CDYL: variants seen among roughly 807,000 people sequenced by gnomAD.
The protein encoded by CDYL is chromodomain Y-like protein.
CDYL carries 8 observed loss-of-function variants against 47.3 expected under a neutral mutation model. The observed-to-expected ratio is 0.17, with a 90% CI of 0.10 to 0.31. The LOEUF (loss-of-function observed/expected upper bound fraction) is 0.31, where lower values mean the gene tolerates loss of function less well. Among genes scored for constraint, CDYL ranks in the 10% least tolerant of loss-of-function variants. The pLI is 1.00. For synonymous variants in CDYL, 266 were observed against 265.0 expected (o/e 1.00, Z -0.04); for missense variants, 471 against 701.4 (o/e 0.67, Z 3.71).
At chr6:4,897,020 G>A (rs1289430181) in intron 2 of CDYL, among the ~76,000 whole-genome samples, 1 of 152,172 alleles carries the variant, frequency 6.6e-6, no homozygotes, top group Non-Finnish European at 1.5e-5. Context: ...ACTCAGAAAT[G>A]TGAGAAATTC....
chr6:4,737,844 G>T (rs1305619610), intron 3 of CDYL, among the ~76,000 whole-genome samples: 1 of 151,924 alleles, frequency 6.6e-6, no homozygotes, highest in Non-Finnish European at 1.5e-5. Flanking sequence ...TCTTAAATAA[G>T]ACCCAAAACG....
chr6:4,952,278 C>T lies in CDYL; in HGVS notation c.1345C>T (p.Leu449=). 1 of 1,613,770 alleles carries T rather than the reference C, an allele frequency of 6.2e-7. No homozygotes were observed. The highest frequency in any genetic ancestry group is 8.5e-7 in the Non-Finnish European group (1 of 1,179,868). The part of the protein sequence containing the change: ...IMGGASANEM[L]LSGRKLTAQE... ...TTCTTCCTTGCAGGCAAACGAGATG[C>T]TGCTCAGTGGACGGAAGCTGACAGC... The change falls in exon 6 of 7, where the codon CTG becomes TTG. Residue 449 remains leucine, a synonymous_variant. Transcript: ENST00000397588.
At chr6:4,953,637 C>T (rs570780642) in intron 6 of CDYL, among the ~76,000 whole-genome samples, 2 of 152,288 alleles carry the variant, frequency 1.3e-5, no homozygotes, top group East Asian at 1.9e-4. Flanking sequence ...GGCGCGGGGC[C>T]GAGGCTGCTC....
At chr6:4,871,145 A>G (rs770987880) in intron 1 of CDYL, among the ~76,000 whole-genome samples, 1 of 152,240 alleles carries the variant, frequency 6.6e-6, no homozygotes, top group Non-Finnish European at 1.5e-5. Flanking sequence ...TGTCCTCTCT[A>G]CATTGAATGG....
chr6:4,823,241 A>G (rs1759889189), intron 1 of CDYL, among the ~76,000 whole-genome samples: 1 of 152,234 alleles, frequency 6.6e-6, no homozygotes, highest in Non-Finnish European at 1.5e-5. Context: ...GATCTTATCC[A>G]TGATGGGTTC....
At chr6:4,923,850 G>A (rs1757789110) in intron 2 of CDYL, among the ~76,000 whole-genome samples, 1 of 147,934 alleles carries the variant, frequency 6.8e-6, no homozygotes, top group South Asian at 2.1e-4. Context: ...GCAGTGAGCC[G>A]AGGTCGCGCC....
intron 1 of CDYL, among the ~76,000 whole-genome samples, chr6:4,825,199 T>C (rs969567678): frequency 6.6e-6 from 1 of 152,174 alleles, no homozygotes; most frequent in Admixed American, 6.5e-5. Context: ...AGGCCTTGCA[T>C]GAACCTATCA....
intron 2 of CDYL, among the ~76,000 whole-genome samples, chr6:4,729,751 CTACAAAAAA>C (rs1213706565): frequency 2.0e-4 from 31 of 152,208 alleles, no homozygotes; most frequent in African/African-American, 7.5e-4. Flanking sequence ...AATCCTGTCT[CTACAAAAAA>C]TACAAAAATT....
chr6:4,766,221 C>A (rs1486196959), intron 3 of CDYL, among the ~76,000 whole-genome samples: 2 of 151,666 alleles, frequency 1.3e-5, no homozygotes, highest in Non-Finnish European at 2.9e-5. Context: ...TTTGTTTTTT[C>A]CTTTTGAGAT....
At chr6:4,764,476 G>A (rs1449785662) in intron 3 of CDYL, among the ~76,000 whole-genome samples, 1 of 152,058 alleles carries the variant, frequency 6.6e-6, no homozygotes, top group Non-Finnish European at 1.5e-5. Context: ...TTTTAGTAGA[G>A]GTGGGGTGTC....
At chr6:4,758,351 A>AAAATATATAT (rs1554134098) in intron 3 of CDYL, among the ~76,000 whole-genome samples, 3 of 129,072 alleles carry the variant, frequency 2.3e-5, no homozygotes, top group Admixed American at 7.9e-5. Flanking sequence ...AAAATAAATA[A>AAAATATATAT]ATATATATAT....
intron 1 of CDYL, among the ~76,000 whole-genome samples, chr6:4,713,490 C>CT (rs1480041291): frequency 6.6e-6 from 1 of 152,210 alleles, no homozygotes; most frequent in East Asian, 1.9e-4. Context: ...CAACTCGACT[C>CT]TATCTGTATT....
intron 1 of CDYL, among the ~76,000 whole-genome samples, chr6:4,715,099 C>T (rs531723711): frequency 1.3e-5 from 2 of 152,212 alleles, no homozygotes; most frequent in South Asian, 2.1e-4. Flanking sequence ...CCCAACCACT[C>T]GCCACTCTGA....
chr6:4,875,543 T>C (rs1287781940), intron 1 of CDYL, among the ~76,000 whole-genome samples: 1 of 152,224 alleles, frequency 6.6e-6, no homozygotes, highest in Non-Finnish European at 1.5e-5. Context: ...CTTTTTATTA[T>C]ATGGTAAATG....
intron 1 of CDYL, among the ~76,000 whole-genome samples, chr6:4,825,567 C>T (rs922241435): frequency 2.0e-5 from 3 of 152,030 alleles, no homozygotes; most frequent in African/African-American, 7.2e-5. Context: ...TTTATCAGTG[C>T]CTTTTCTGCA....
intron 1 of CDYL, among the ~76,000 whole-genome samples, chr6:4,887,806 G>C (rs981551205): frequency 5.3e-5 from 8 of 151,336 alleles, no homozygotes; most frequent in Non-Finnish European, 1.0e-4. Flanking sequence ...TATTCTGTGT[G>C]ATGTTATTTG....
intron 3 of CDYL, among the ~76,000 whole-genome samples, chr6:4,769,432 A>G (rs1039709033): frequency 6.6e-6 from 1 of 152,220 alleles, no homozygotes; most frequent in Non-Finnish European, 1.5e-5. Flanking sequence ...ATTGGTCTGA[A>G]TACGGAAATC....
chr6:4,733,526 C>A (rs778506515), intron 2 of CDYL, among the ~76,000 whole-genome samples: 1 of 152,082 alleles, frequency 6.6e-6, no homozygotes, highest in Non-Finnish European at 1.5e-5. Context: ...TTGGTGTACA[C>A]CATGAAATAC....
chr6:4,953,747 T>C, intron 6 of CDYL, 151 bp from the exon 7 acceptor site: 1 of 688,520 alleles, frequency 1.5e-6, no homozygotes, highest in South Asian at 2.0e-5. Flanking sequence ...TATACATATG[T>C]TAGGCCCGAC....
Sources: gnomAD v4.1 joint callset for allele counts (sites outside exome capture counted in the v4.1 genomes callset) on GRCh38, gnomAD v4.1.1 for gene constraint, MANE v1.5 for transcripts, NCBI Gene and HGNC (gene_info 2026-07-23, HGNC 2026-07-21) for gene names.